Variants in NUP93 observed in about 807,000 individuals in gnomAD.
The protein encoded by NUP93 is nuclear pore complex protein Nup93.
A neutral mutation model predicts 107.8 loss-of-function variants in NUP93; 55 were observed. That is an observed-to-expected ratio of 0.51 (90% CI 0.41 to 0.64). NUP93 has a LOEUF of 0.64. Among genes scored for constraint, NUP93 ranks in the 30% least tolerant of loss-of-function variants. The probability of loss-of-function intolerance (pLI) is 0.00; values close to 1 mark genes in which losing one functional copy is unlikely to be tolerated. For missense variants in NUP93, 937 were observed against 1,044.7 expected (o/e 0.90, Z 1.42); for synonymous variants, 390 against 397.5 (o/e 0.98, Z 0.22).
chr16:56,797,864 T>G (rs1447646027), intron 3 of NUP93, among the ~76,000 whole-genome samples: 1 of 152,232 alleles, frequency 6.6e-6, no homozygotes, highest in African/African-American at 2.4e-5. Context: ...GTTACAGGCA[T>G]TTAACCTGTT....
chr16:56,763,375 T>C (rs2144489707), intron 3 of NUP93, among the ~76,000 whole-genome samples: 1 of 152,318 alleles, frequency 6.6e-6, no homozygotes, highest in South Asian at 2.1e-4. Context: ...TCTAGAGACA[T>C]TTTTCAACTA....
At chr16:56,766,214 A>G (rs1048575131) in intron 3 of NUP93, among the ~76,000 whole-genome samples, 5 of 152,344 alleles carry the variant, frequency 3.3e-5, no homozygotes, top group African/African-American at 7.2e-5. Flanking sequence ...GAGAGTATCA[A>G]TTACCAACTT....
rs1964123860 is a variant in NUP93, at chr16:56,846,935, G to A, written c.*2326G>A. The stretch of plus-strand genomic sequence containing the variant: ...ATCCTGCAGTTCTACTTGTCTCAGA[G>A]AGAACTGCACACCAGCCCTGCATCC... On this transcript the variant is annotated 3_prime_UTR_variant, in exon 22 of 22. Coordinates refer to ENST00000308159, the MANE Select transcript of NUP93 (RefSeq NM_014669.5). 6.6e-6 allele frequency: 1 copy of A among 152,186 alleles called. No homozygotes were observed. Among genetic ancestry groups the A allele is most frequent in the Non-Finnish European group, 1.5e-5 (1 of 68,046 alleles). 9.4% of individuals were successfully genotyped at this position (152,186 alleles called of 1,614,324 possible).
At chr16:56,752,962 C>G (rs1226674321) in intron 2 of NUP93, among the ~76,000 whole-genome samples, 2 of 152,116 alleles carry the variant, frequency 1.3e-5, no homozygotes, top group Admixed American at 1.3e-4. Context: ...GACCCAGAAA[C>G]CAAGTTGAAG....
chr16:56,767,879 G>A (rs1430018623), intron 3 of NUP93, among the ~76,000 whole-genome samples: 2 of 152,180 alleles, frequency 1.3e-5, no homozygotes, highest in Non-Finnish European at 2.9e-5. Flanking sequence ...TGAATATAGT[G>A]GTGGGTGTTG....
chr16:56,841,472 A>T (rs183755929), intron 20 of NUP93, among the ~76,000 whole-genome samples: 1 of 152,390 alleles, frequency 6.6e-6, no homozygotes, highest in Non-Finnish European at 1.5e-5. Context: ...GAAAAACAGC[A>T]TAAAGGAGCA....
chr16:56,750,079 T>G (rs1489474399), intron 2 of NUP93, among the ~76,000 whole-genome samples: 1 of 152,234 alleles, frequency 6.6e-6, no homozygotes, highest in Non-Finnish European at 1.5e-5. Context: ...TATAATTTAA[T>G]TGCATCAGCT....
intron 5 of NUP93, among the ~76,000 whole-genome samples, chr16:56,809,693 C>G (rs900245036): frequency 3.0e-4 from 45 of 152,288 alleles, no homozygotes; most frequent in Admixed American, 1.0e-3. Context: ...CAAAGGGTAA[C>G]TGCACATCCG....
At chr16:56,740,172 G>T (rs1233491326) in intron 1 of NUP93, among the ~76,000 whole-genome samples, 1 of 141,438 alleles carries the variant, frequency 7.1e-6, no homozygotes, top group African/African-American at 2.7e-5. Context: ...GGGCGGAGAC[G>T]CTCCTCACTT....
chr16:56,749,519 A>C (rs1173438233), intron 2 of NUP93, among the ~76,000 whole-genome samples: 1 of 152,182 alleles, frequency 6.6e-6, no homozygotes, highest in East Asian at 1.9e-4. Flanking sequence ...AGACACTGAG[A>C]TTCTGTGCAG....
intron 3 of NUP93, among the ~76,000 whole-genome samples, chr16:56,780,496 T>G (rs1412853892): frequency 6.6e-6 from 1 of 152,194 alleles, no homozygotes; most frequent in African/African-American, 2.4e-5. Flanking sequence ...GGTTTTTTGT[T>G]TGTTTTTGTA....
At chr16:56,739,568 C>G (rs1597099866) in intron 1 of NUP93, among the ~76,000 whole-genome samples, 1 of 93,000 alleles carries the variant, frequency 1.1e-5, no homozygotes, top group African/African-American at 4.4e-5. Flanking sequence ...GCTGGCCGGG[C>G]GGGGGGCTGA....
intron 1 of NUP93, among the ~76,000 whole-genome samples, chr16:56,737,396 C>G (rs1321837614): frequency 1.3e-5 from 2 of 152,162 alleles, no homozygotes; most frequent in African/African-American, 4.8e-5. Context: ...AGTCTAATTA[C>G]TTCCCAAAGA....
intron 3 of NUP93, among the ~76,000 whole-genome samples, chr16:56,768,807 C>T (rs1211774665): frequency 3.4e-5 from 5 of 147,012 alleles, no homozygotes; most frequent in Non-Finnish European, 7.4e-5. Flanking sequence ...GTAGAGCTTG[C>T]GGTGAGCCGA....
intron 8 of NUP93, among the ~76,000 whole-genome samples, chr16:56,827,158 T>C (rs1464192309): frequency 1.3e-5 from 2 of 152,070 alleles, no homozygotes; most frequent in East Asian, 3.8e-4. Flanking sequence ...CACCTGACTT[T>C]TTGAGGTAGT....
chr16:56,737,840 A>G (rs1172912823), intron 1 of NUP93, among the ~76,000 whole-genome samples: 1 of 152,200 alleles, frequency 6.6e-6, no homozygotes, highest in Admixed American at 6.5e-5. Flanking sequence ...TAGAATCCGC[A>G]CACCTTCTGC....
In NUP93 at chr16:56,768,724, T is replaced by G. The variant is rs199949848; in HGVS notation, c.297+10069T>G. Among the ~76,000 whole-genome samples, 411 of 135,048 alleles carry G rather than the reference T, an allele frequency of 3.0e-3. 10 individuals are homozygous for G. The East Asian group carries it at 0.066, about 22-fold the overall frequency. The allele number at this position is 135,048 out of a possible 152,430, so 88.6% of individuals were successfully genotyped here. A position where few individuals can be genotyped will look rare whatever the true frequency, so the allele number is the denominator to read the frequency against. ...TACTAAAAAATACAAAAAATTAGCC[T>G]GGTGTGGTGGCGGGCGCCTGTAGTC... On this transcript the variant is annotated intron_variant, in intron 3 of 21. Coordinates refer to ENST00000308159, the MANE Select transcript of NUP93 (RefSeq NM_014669.5).
At position 56,829,062 on chromosome 16, in the gene NUP93, C is replaced by T. The variant is rs773991392; in HGVS notation, c.880C>T (p.Arg294Ter). The change falls in exon 9 of 22, where the codon CGA (arginine) becomes TGA (stop). Residue 294 changes from arginine to a stop codon, truncating the protein, a stop_gained. Transcript: ENST00000308159. LOFTEE classifies it high-confidence loss of function. ...GGVPGTYQLV[R>*]SFLNIKLPAP... ...GGTGCCTGGGACTTACCAATTGGTTCGAAGTTTCCTGAACATTAAACTGCC... is the reference window on the plus strand; with the variant it reads ...GGTGCCTGGGACTTACCAATTGGTTTGAAGTTTCCTGAACATTAAACTGCC... The T allele has an allele frequency of 1.9e-6, 3 of 1,613,198 alleles. No individual in the cohort carries two copies. Among genetic ancestry groups the T allele is most frequent in the Non-Finnish European group, 2.5e-6 (3 of 1,179,738 alleles).
At chr16:56,756,226 A>G (rs1962016345) in intron 2 of NUP93, among the ~76,000 whole-genome samples, 1 of 146,948 alleles carries the variant, frequency 6.8e-6, no homozygotes, top group Admixed American at 7.0e-5. Context: ...TGCCACACTT[A>G]TCAACCTGTC....
Sources: gnomAD v4.1 joint callset for allele counts (sites outside exome capture counted in the v4.1 genomes callset) on GRCh38, gnomAD v4.1.1 for gene constraint, MANE v1.5 for transcripts, NCBI Gene and HGNC (gene_info 2026-07-23, HGNC 2026-07-21) for gene names.